B3GLCT: variants seen among roughly 807,000 people sequenced by gnomAD.
B3GLCT encodes the protein beta-1,3-glucosyltransferase.
In B3GLCT, 65 loss-of-function variants were observed where a neutral mutation model predicts 63.4. The ratio of observed to expected loss-of-function variants is 1.03; its 90% CI spans 0.84 to 1.26. The LOEUF (loss-of-function observed/expected upper bound fraction) is 1.26, where lower values mean the gene tolerates loss of function less well. B3GLCT is among the 50% of genes most tolerant of loss of function. B3GLCT has a pLI of 0.00. For missense variants in B3GLCT, 577 were observed against 604.8 expected, an observed-to-expected ratio of 0.95 and a Z score of 0.48; for synonymous variants, 233 against 219.2, an observed-to-expected ratio of 1.06 and a Z score of -0.55.
intron 12 of B3GLCT, among the ~76,000 whole-genome samples, chr13:31,309,847 ACCT>A (rs775179844): frequency 6.5e-4 from 99 of 152,190 alleles, no homozygotes; most frequent in Non-Finnish European, 1.2e-3. Context: ...ACCCAGAAAG[ACCT>A]CCTTATTCAG....
chr13:31,327,116 C>T (rs1294305968), intron 14 of B3GLCT, among the ~76,000 whole-genome samples: 1 of 152,124 alleles, frequency 6.6e-6, no homozygotes, highest in Non-Finnish European at 1.5e-5. Flanking sequence ...ATACTGAACC[C>T]TACGTATACT....
chr13:31,285,624 AAAAAAAGT>A (rs1455272532), intron 11 of B3GLCT, among the ~76,000 whole-genome samples: 3 of 151,194 alleles, frequency 2.0e-5, no homozygotes, highest in Non-Finnish European at 4.4e-5. Flanking sequence ...AAAAAAAAAA[AAAAAAAGT>A]AGCAAACTGA....
chr13:31,273,168 C>T (rs990368610), intron 8 of B3GLCT, among the ~76,000 whole-genome samples: 2 of 152,196 alleles, frequency 1.3e-5, no homozygotes, highest in Admixed American at 6.5e-5. Flanking sequence ...GATCTTGGCT[C>T]ACTGCAACCT....
intron 4 of B3GLCT, among the ~76,000 whole-genome samples, chr13:31,231,854 C>T (rs563817846): frequency 2.6e-5 from 4 of 152,144 alleles, no homozygotes; most frequent in Non-Finnish European, 5.9e-5. Context: ...CCCTGGGGCT[C>T]CGCAAAGGAT....
At chr13:31,317,061 T>C (rs984532783) in intron 12 of B3GLCT, among the ~76,000 whole-genome samples, 2 of 152,250 alleles carry the variant, frequency 1.3e-5, no homozygotes, top group East Asian at 3.8e-4. Context: ...ATAGCCTCAC[T>C]GCCCAAATTC....
At chr13:31,231,655 T>C (rs1391891766) in intron 4 of B3GLCT, among the ~76,000 whole-genome samples, 1 of 152,206 alleles carries the variant, frequency 6.6e-6, no homozygotes, top group Non-Finnish European at 1.5e-5. Flanking sequence ...GGAAGAGTAG[T>C]TTTTAGAGCA....
At chr13:31,286,194 A>G (rs1259071745) in intron 11 of B3GLCT, among the ~76,000 whole-genome samples, 3 of 152,210 alleles carry the variant, frequency 2.0e-5, no homozygotes, top group Non-Finnish European at 4.4e-5. Flanking sequence ...ACTCAGCACT[A>G]TATCTTTAGT....
chr13:31,261,931 AAAC>A (rs1020831803), intron 7 of B3GLCT, among the ~76,000 whole-genome samples: 2 of 152,222 alleles, frequency 1.3e-5, no homozygotes, highest in Non-Finnish European at 2.9e-5. Context: ...GGTAGAATCC[AAAC>A]AACAACAACA....
intron 12 of B3GLCT, among the ~76,000 whole-genome samples, chr13:31,316,405 T>C (rs1469641343): frequency 3.3e-4 from 3 of 9,068 alleles, no homozygotes; most frequent in East Asian, 5.4e-3. Context: ...ATTTTGGAGG[T>C]TTTATATATA....
chr13:31,227,739 A>G (rs761795105), intron 3 of B3GLCT, among the ~76,000 whole-genome samples: 1 of 152,244 alleles, frequency 6.6e-6, no homozygotes, highest in Non-Finnish European at 1.5e-5. Context: ...GAATGGACCT[A>G]TAGAATAGAG....
At chr13:31,262,165 G>A (rs9542779) in intron 7 of B3GLCT, among the ~76,000 whole-genome samples, 59,327 of 151,592 alleles carry the variant, frequency 0.39, 12,283 homozygotes, top group Non-Finnish European at 0.47. Context: ...AAGCTCCTAC[G>A]CTGCTGATTT....
At position 31,200,135 on chromosome 13, in the gene B3GLCT, G is replaced by A; in HGVS notation, c.51G>A (p.Ala17=). Residue 17 remains alanine (A), a synonymous_variant, in exon 1 of 15, where the codon GCG becomes GCA. Transcript: ENST00000343307. The part of the protein sequence containing the change: ...WWLLAPPALL[A]LLTCSLAFGL... ...TGCTCGCGCCGCCGGCGCTGCTCGC[G>A]CTCCTCACCTGCTCCCTGGGTAAGT... The A allele has an allele frequency of 7.3e-7, 1 of 1,367,018 alleles. No individual in the cohort carries two copies. The highest frequency in any genetic ancestry group is 3.6e-5 in the East Asian group (1 of 28,068). 84.7% of individuals were successfully genotyped at this position (1,367,018 alleles called of 1,614,324 possible).
At chr13:31,250,900 C>G (rs1241074294) in intron 6 of B3GLCT, among the ~76,000 whole-genome samples, 1 of 152,114 alleles carries the variant, frequency 6.6e-6, no homozygotes, top group Non-Finnish European at 1.5e-5. Flanking sequence ...GTCCCTGAAC[C>G]CCCGTGTAGC....
At chr13:31,253,595 C>CAAAAAAAAAAAAAAAAAAA (rs35512327) in intron 6 of B3GLCT, among the ~76,000 whole-genome samples, 2 of 18,418 alleles carry the variant, frequency 1.1e-4, no homozygotes, top group African/African-American at 6.4e-4. Flanking sequence ...GACTCCATCT[C>CAAAAAAAAAAAAAAAAAAA]AAAAAAAAAA....
intron 12 of B3GLCT, among the ~76,000 whole-genome samples, chr13:31,306,563 G>A (rs907022982): frequency 6.3e-5 from 7 of 110,654 alleles, no homozygotes; most frequent in African/African-American, 2.6e-4. Flanking sequence ...CAAATCATGA[G>A]TGAACTCCCA....
intron 10 of B3GLCT, among the ~76,000 whole-genome samples, chr13:31,279,804 C>T (rs1294481231): frequency 6.6e-6 from 1 of 152,194 alleles, no homozygotes; most frequent in East Asian, 1.9e-4. Flanking sequence ...CTTATTTCAT[C>T]CCTTATCAAC....
At chr13:31,223,953 A>G (rs1207661790) in intron 3 of B3GLCT, among the ~76,000 whole-genome samples, 1 of 152,102 alleles carries the variant, frequency 6.6e-6, no homozygotes, top group South Asian at 2.1e-4. Context: ...CTTCCTCTCC[A>G]CTATTTTCCA....
rs1871995400 is a variant in B3GLCT at position 31,260,950 on chromosome 13, G to A, written c.464G>A (p.Trp155Ter). Residue 155 changes from tryptophan (W) to a stop codon, truncating the protein, a stop_gained, in exon 7 of 15, where the codon TGG becomes TAG. Transcript: ENST00000343307. LOFTEE classifies it high-confidence loss of function. ...TGTTATATCTTTATTTAACAGGAAT[G>A]GTTTTTGGGAAAAGCATTACATGAT... Reference protein sequence around the residue: ...TLRRYDPSKEWFLGKALHDEE... With the variant: ...TLRRYDPSKE 6.2e-7 allele frequency: 1 copy of A among 1,613,304 alleles called. No homozygotes were observed. The highest frequency in any genetic ancestry group is 1.3e-5 in the African/African-American group (1 of 74,864).
chr13:31,249,470 G>A (rs1170295681), intron 6 of B3GLCT, among the ~76,000 whole-genome samples: 1 of 152,052 alleles, frequency 6.6e-6, no homozygotes, highest in African/African-American at 2.4e-5. Context: ...GTTTCCTTTT[G>A]GCTTGGGAAA....
Sources: gnomAD v4.1 joint callset for allele counts (sites outside exome capture counted in the v4.1 genomes callset) on GRCh38, gnomAD v4.1.1 for gene constraint, MANE v1.5 for transcripts, NCBI Gene and HGNC (gene_info 2026-07-23, HGNC 2026-07-21) for gene names.